The following PCDH15 variants were observed in gnomAD, a reference collection of about 807,000 sequenced individuals.
The protein encoded by PCDH15 is protocadherin related 15, also known as protocadherin-15.
A neutral mutation model predicts 178.5 loss-of-function variants in PCDH15; 129 were observed. The ratio of observed to expected loss-of-function variants is 0.72; its 90% confidence interval spans 0.63 to 0.84. PCDH15 has a LOEUF of 0.84. Ranked by LOEUF, PCDH15 falls within the 40% of genes least tolerant of loss-of-function variation. The pLI, the probability that PCDH15 is intolerant of heterozygous loss-of-function variation, is 0.00. For synonymous variants in PCDH15, 800 were observed against 732.0 expected (o/e 1.09, Z -1.50); for missense variants, 2,230 against 2,099.9 (o/e 1.06, Z -1.21).
intron 3 of PCDH15, among the ~76,000 whole-genome samples, chr10:54,454,599 T>G (rs554581395): frequency 6.6e-6 from 1 of 152,110 alleles, no homozygotes; most frequent in African/African-American, 2.4e-5. Context: ...TAAATGTACA[T>G]ACATGGTTCA....
intron 2 of PCDH15, among the ~76,000 whole-genome samples, chr10:55,338,645 G>A (rs185021224): frequency 6.6e-6 from 1 of 152,176 alleles, no homozygotes; most frequent in Non-Finnish European, 1.5e-5. Context: ...GGGTGCACTT[G>A]TAATCCCTGC....
At chr10:54,834,467 T>G (rs1316416776) in intron 3 of PCDH15, among the ~76,000 whole-genome samples, 2 of 151,974 alleles carry the variant, frequency 1.3e-5, no homozygotes, top group Non-Finnish European at 1.5e-5. Flanking sequence ...TGTGAGCCAC[T>G]GCGCCCAGCT....
chr10:53,838,797 G>A (rs960358922), intron 29 of PCDH15, among the ~76,000 whole-genome samples: 6 of 152,054 alleles, frequency 3.9e-5, no homozygotes, highest in Non-Finnish European at 8.8e-5. Flanking sequence ...AGATCTAAAT[G>A]TTGCTTCATT....
At chr10:54,642,085 G>A (rs1241533586) in intron 2 of PCDH15, among the ~76,000 whole-genome samples, 1 of 151,314 alleles carries the variant, frequency 6.6e-6, no homozygotes, top group African/African-American at 2.4e-5. Flanking sequence ...ATGGTATAAG[G>A]AGGTGGGCTC....
intron 1 of PCDH15, among the ~76,000 whole-genome samples, chr10:54,781,195 TG>T (rs1040757061): frequency 3.9e-5 from 6 of 152,148 alleles, no homozygotes; most frequent in African/African-American, 1.2e-4. Context: ...CTTTAAGTTC[TG>T]GGGTACATAT....
At chr10:55,138,797 G>A (rs1038520159) in intron 2 of PCDH15, among the ~76,000 whole-genome samples, 2 of 151,656 alleles carry the variant, frequency 1.3e-5, no homozygotes, top group Non-Finnish European at 2.9e-5. Flanking sequence ...ATCAACCTGC[G>A]GTCAATAATT....
intron 2 of PCDH15, among the ~76,000 whole-genome samples, chr10:55,094,929 C>CT (rs60073886): frequency 0.19 from 25,001 of 130,308 alleles, 3,715 homozygotes; most frequent in African/African-American, 0.4. Context: ...TATCCAAATT[C>CT]TTTTTTTTTT....
chr10:54,547,127 C>A (rs1240985575), intron 2 of PCDH15, among the ~76,000 whole-genome samples: 2 of 152,076 alleles, frequency 1.3e-5, no homozygotes, highest in Admixed American at 6.6e-5. Flanking sequence ...CTCAATTTTT[C>A]TTCCATTCAT....
chr10:53,857,125 A>G (rs779650184), intron 28 of PCDH15, 50 bp downstream of exon 28: 17 of 1,303,810 alleles, frequency 1.3e-5, no homozygotes, highest in African/African-American at 3.0e-5. Context: ...AATACAGTTA[A>G]AAATCATGGT....
intron 18 of PCDH15, among the ~76,000 whole-genome samples, chr10:54,026,243 T>C (rs76258652): frequency 0.15 from 22,587 of 151,912 alleles, 3,738 homozygotes; most frequent in African/African-American, 0.4. Flanking sequence ...TAATTTTTTG[T>C]ATTTTTATCA....
At chr10:54,540,267 T>A (rs2085063103) in intron 2 of PCDH15, among the ~76,000 whole-genome samples, 1 of 151,910 alleles carries the variant, frequency 6.6e-6, no homozygotes, top group South Asian at 2.1e-4. Context: ...TATGACTATA[T>A]AAACAAAGAA....
chr10:54,988,138 G>A (rs974055136), intron 2 of PCDH15, among the ~76,000 whole-genome samples: 1 of 152,122 alleles, frequency 6.6e-6, no homozygotes, highest in African/African-American at 2.4e-5. Context: ...ACCATTGCTT[G>A]CTTTTGTCAG....
At chr10:55,621,863 G>C (rs1837398818) in intron 2 of PCDH15, among the ~76,000 whole-genome samples, 1 of 150,390 alleles carries the variant, frequency 6.6e-6, no homozygotes. Flanking sequence ...TGTATATGTG[G>C]ACATATATAC....
At chr10:55,604,937 A>C (rs1843178777) in intron 2 of PCDH15, among the ~76,000 whole-genome samples, 1 of 151,878 alleles carries the variant, frequency 6.6e-6, no homozygotes, top group South Asian at 2.1e-4. Flanking sequence ...AAACCCTTCA[A>C]AAAATTAATG....
At chr10:55,361,309 G>A (rs1004489500) in intron 2 of PCDH15, among the ~76,000 whole-genome samples, 7 of 151,908 alleles carry the variant, frequency 4.6e-5, no homozygotes, top group East Asian at 3.9e-4. Flanking sequence ...TTCACTGGGT[G>A]TGCCCTTGTT....
intron 2 of PCDH15, among the ~76,000 whole-genome samples, chr10:54,583,713 T>G (rs2091236886): frequency 6.6e-6 from 1 of 152,082 alleles, no homozygotes; most frequent in South Asian, 2.1e-4. Flanking sequence ...TAAACCTCAT[T>G]TACAAGTCTT....
At chr10:53,917,004 G>T (rs1425872298) in intron 25 of PCDH15, among the ~76,000 whole-genome samples, 2 of 151,818 alleles carry the variant, frequency 1.3e-5, no homozygotes, top group Non-Finnish European at 2.9e-5. Flanking sequence ...AAAAGAAAAT[G>T]GTTTTTATAT....
intron 29 of PCDH15, among the ~76,000 whole-genome samples, chr10:53,834,476 A>G (rs1357452632): frequency 6.6e-6 from 1 of 151,440 alleles, no homozygotes; most frequent in Admixed American, 6.6e-5. Flanking sequence ...TATCCTAAAA[A>G]AGAGATAGAT....
chr10:55,602,012 G>T (rs1843092948), intron 2 of PCDH15, among the ~76,000 whole-genome samples: 1 of 152,060 alleles, frequency 6.6e-6, no homozygotes, highest in African/African-American at 2.4e-5. Flanking sequence ...CAGACACGGC[G>T]CAGGTCAGTG....
Sources: gnomAD v4.1 joint callset for allele counts (sites outside exome capture counted in the v4.1 genomes callset) on GRCh38, gnomAD v4.1.1 for gene constraint, MANE v1.5 for transcripts, NCBI Gene and HGNC (gene_info 2026-07-23, HGNC 2026-07-21) for gene names.